RBFOX1: variants seen among roughly 807,000 people sequenced by gnomAD.
RBFOX1 encodes RNA binding protein fox-1 homolog 1.
Under a neutral mutation model 57.7 loss-of-function variants are expected in RBFOX1, and 8 were observed. The ratio of observed to expected loss-of-function variants is 0.14; its 90% CI spans 0.08 to 0.25. The LOEUF (loss-of-function observed/expected upper bound fraction) is 0.25, where lower values mean the gene tolerates loss of function less well. Ranked by LOEUF, RBFOX1 falls within the 10% of genes least tolerant of loss-of-function variation. The pLI is 1.00. For missense variants in RBFOX1, 611 were observed against 548.5 expected, an observed-to-expected ratio of 1.11 and a Z score of -1.14; for synonymous variants, 326 against 222.4, an observed-to-expected ratio of 1.47 and a Z score of -4.15.
intron 4 of RBFOX1, among the ~76,000 whole-genome samples, chr16:7,398,461 T>A (rs2098179322): frequency 6.6e-6 from 1 of 152,236 alleles, no homozygotes; most frequent in South Asian, 2.1e-4. Context: ...TTATTGCTAT[T>A]CTTATATTAA....
intron 2 of RBFOX1, among the ~76,000 whole-genome samples, chr16:6,651,591 C>CTT (rs1568050264): frequency 6.6e-6 from 1 of 152,202 alleles, no homozygotes; most frequent in African/African-American, 2.4e-5. Context: ...GATTGGAACA[C>CTT]TTGTGCACTG....
At chr16:6,749,758 T>C (rs1164077260) in intron 3 of RBFOX1, among the ~76,000 whole-genome samples, 3 of 152,208 alleles carry the variant, frequency 2.0e-5, no homozygotes, top group Non-Finnish European at 2.9e-5. Flanking sequence ...TGGAAAGTTT[T>C]TCAGTGTTAA....
At chr16:6,021,072 C>T (rs1428629557) in intron 1 of RBFOX1, among the ~76,000 whole-genome samples, 1 of 152,264 alleles carries the variant, frequency 6.6e-6, no homozygotes, top group African/African-American at 2.4e-5. Flanking sequence ...TCAGGCAGTC[C>T]GGGCAATTGG....
intron 4 of RBFOX1, among the ~76,000 whole-genome samples, chr16:5,934,897 G>A (rs2059137489): frequency 1.3e-5 from 2 of 152,158 alleles, no homozygotes. Flanking sequence ...CTGGCCCTGT[G>A]GGCATTTATT....
At chr16:5,650,245 C>A (rs1197793635) in intron 3 of RBFOX1, among the ~76,000 whole-genome samples, 5 of 152,178 alleles carry the variant, frequency 3.3e-5, no homozygotes, top group Non-Finnish European at 7.3e-5. Flanking sequence ...GAGAGGCTGA[C>A]TCTGATGGCC....
Position 7,514,614 on chromosome 16 carries a change from C to G in RBFOX1, c.28-3533C>G, listed in dbSNP as rs533137370. Among the ~76,000 whole-genome samples, 6 of 152,154 alleles carry G rather than the reference C, an allele frequency of 3.9e-5. No individual in the cohort carries two copies. The South Asian group carries it at 1.2e-3, about 32-fold the overall frequency. ...AGGAAAGCCTGCTGGAGGAGGGACT[C>G]TTGATGCGGACTGAAGGAAGAGTAA... On this transcript the variant is annotated intron_variant, in intron 4 of 15. Transcript: ENST00000550418.
chr16:5,739,254 T>C (rs1330673177), intron 3 of RBFOX1, among the ~76,000 whole-genome samples: 1 of 152,212 alleles, frequency 6.6e-6, no homozygotes, highest in Non-Finnish European at 1.5e-5. Flanking sequence ...TGGCGTCCAA[T>C]ATGGATATTA....
In RBFOX1 at chr16:7,571,600, T is replaced by C. The variant is rs1365655061; in HGVS notation, c.271-8177T>C. ...AACCTGCGCCGATACCTGGGGAGTT[T>C]GTGTATTAAGAAAAATTCTGCCGCA... On this transcript the variant is annotated intron_variant, in intron 5 of 15. Coordinates refer to ENST00000550418, the MANE Select transcript of RBFOX1 (RefSeq NM_018723.4). Among the ~76,000 whole-genome samples, 5 of 152,152 alleles carry C rather than the reference T, an allele frequency of 3.3e-5. No individual in the cohort carries two copies. The South Asian group carries it at 1.0e-3, about 32-fold the overall frequency.
At chr16:7,506,465 A>G (rs1039924538) in intron 4 of RBFOX1, among the ~76,000 whole-genome samples, 1 of 152,092 alleles carries the variant, frequency 6.6e-6, no homozygotes, top group African/African-American at 2.4e-5. Context: ...ACTTTATTGA[A>G]TTTTGTATGC....
chr16:6,997,774 A>G (rs1179539789), intron 3 of RBFOX1, among the ~76,000 whole-genome samples: 2 of 152,050 alleles, frequency 1.3e-5, no homozygotes, highest in African/African-American at 4.8e-5. Flanking sequence ...ACTACAGACT[A>G]CTCAATTCCC....
intron 4 of RBFOX1, among the ~76,000 whole-genome samples, chr16:7,332,515 G>T (rs2096711350): frequency 6.6e-6 from 1 of 152,064 alleles, no homozygotes; most frequent in Non-Finnish European, 1.5e-5. Flanking sequence ...TTTTAACTCG[G>T]AGGCGATAAT....
chr16:6,639,377 T>C (rs2098468844), intron 2 of RBFOX1, among the ~76,000 whole-genome samples: 1 of 152,100 alleles, frequency 6.6e-6, no homozygotes, highest in Non-Finnish European at 1.5e-5. Flanking sequence ...AGATAGACTA[T>C]CTATCAGCTT....
intron 3 of RBFOX1, among the ~76,000 whole-genome samples, chr16:7,051,500 T>G (rs1056521122): frequency 6.6e-6 from 1 of 152,242 alleles, no homozygotes; most frequent in African/African-American, 2.4e-5. Flanking sequence ...GATCTCTTTC[T>G]GTGATTGAAG....
At chr16:6,029,681 G>C (rs1268556734) in intron 1 of RBFOX1, among the ~76,000 whole-genome samples, 1 of 150,172 alleles carries the variant, frequency 6.7e-6, no homozygotes, top group Non-Finnish European at 1.5e-5. Context: ...GCTGAGGCAG[G>C]AGAACGGCGT....
rs1261897218 is a variant in RBFOX1, at chr16:7,630,702, C to T, written c.757+19C>T. 3.7e-6 allele frequency: 6 copies of T among 1,613,900 alleles called. No individual in the cohort carries two copies. Among genetic ancestry groups the T allele is most frequent in the Non-Finnish European group, 5.1e-6 (6 of 1,179,978 alleles). On this transcript the variant is annotated intron_variant, in intron 11 of 15. Transcript: ENST00000550418. Reference sequence around the variant, plus strand: ...TCTGCAAGTAAGCCCACTGTCGTGGCTCTTTTTGTTTTGTGACATAAATCT... The same window carrying T: ...TCTGCAAGTAAGCCCACTGTCGTGGTTCTTTTTGTTTTGTGACATAAATCT...
chr16:5,282,552 A>G (rs1438916476), intron 1 of RBFOX1, among the ~76,000 whole-genome samples: 12 of 152,208 alleles, frequency 7.9e-5, no homozygotes, highest in Non-Finnish European at 2.9e-5. Context: ...TGTCAGATGG[A>G]AATAAGGAAC....
At chr16:7,142,379 G>C (rs1039478167) in intron 4 of RBFOX1, among the ~76,000 whole-genome samples, 24 of 152,078 alleles carry the variant, frequency 1.6e-4, no homozygotes, top group Non-Finnish European at 2.6e-4. Context: ...CGTGAAATGA[G>C]GTCCATGTCC....
intron 3 of RBFOX1, among the ~76,000 whole-genome samples, chr16:6,908,369 G>A (rs1167418195): frequency 1.4e-5 from 2 of 146,302 alleles, no homozygotes; most frequent in Non-Finnish European, 3.1e-5. Flanking sequence ...TTCTAACCCC[G>A]ATGTGTGTCT....
intron 3 of RBFOX1, among the ~76,000 whole-genome samples, chr16:6,727,922 G>A (rs2067626676): frequency 6.6e-6 from 1 of 152,104 alleles, no homozygotes; most frequent in Non-Finnish European, 1.5e-5. Flanking sequence ...TGTTTTGGAA[G>A]GCTAGTTCTA....
Sources: allele counts gnomAD v4.1 joint callset (sites outside exome capture counted in the v4.1 genomes callset), GRCh38; gene constraint gnomAD v4.1.1; transcripts MANE v1.5; gene names NCBI Gene and HGNC (gene_info 2026-07-23, HGNC 2026-07-21).